RYR3: variants seen among roughly 807,000 people sequenced by gnomAD.
The protein encoded by RYR3 is ryanodine receptor 3, also known as brain ryanodine receptor-calcium release channel.
In RYR3, 207 loss-of-function variants were observed where a neutral mutation model predicts 584.3. That is an observed-to-expected ratio of 0.35 (90% CI 0.32 to 0.40). The LOEUF is 0.40. Ranked by LOEUF, RYR3 falls within the 10% of genes least tolerant of loss-of-function variation. The pLI, the probability that RYR3 is intolerant of heterozygous loss-of-function variation, is 1.00. For missense variants in RYR3, 5,616 were observed against 6,089.2 expected (o/e 0.92, Z 2.59); for synonymous variants, 2,416 against 2,248.5 (o/e 1.07, Z -2.11).
At chr15:33,651,476 A>AAGG (rs1211135700) in intron 31 of RYR3, among the ~76,000 whole-genome samples, 1 of 152,220 alleles carries the variant, frequency 6.6e-6, no homozygotes, top group African/African-American at 2.4e-5. Flanking sequence ...CATTGTCCCA[A>AAGG]AGGAGAGGAC....
At chr15:33,841,676 C>A in intron 90 of RYR3, 188 bp from the exon 91 acceptor site, 1 of 566,882 alleles carries the variant, frequency 1.8e-6, no homozygotes, top group Non-Finnish European at 3.1e-6. Flanking sequence ...AAGATCATGG[C>A]TCATCCTCAT....
intron 68 of RYR3, among the ~76,000 whole-genome samples, chr15:33,801,419 C>A (rs746462042): frequency 1.3e-5 from 2 of 152,104 alleles, no homozygotes; most frequent in Non-Finnish European, 2.9e-5. Flanking sequence ...CAGGAAAAGA[C>A]CAGGAAAGGG....
chr15:33,855,729 G>C (rs965516073), intron 98 of RYR3, among the ~76,000 whole-genome samples: 3 of 152,054 alleles, frequency 2.0e-5, no homozygotes, highest in Non-Finnish European at 2.9e-5. Flanking sequence ...TTTTATGTGT[G>C]TATATACATT....
intron 1 of RYR3, among the ~76,000 whole-genome samples, chr15:33,363,641 A>G (rs1013292337): frequency 2.0e-5 from 3 of 152,206 alleles, no homozygotes; most frequent in African/African-American, 7.2e-5. Context: ...ATTACTGAGT[A>G]CAAGCTTTTT....
chr15:33,503,676 T>G lies in RYR3; in HGVS notation c.217T>G (p.Ser73Ala). The change falls in exon 3 of 104, where the codon TCC becomes GCC. Residue 73 changes from serine to alanine, a missense_variant. Physicochemically the swap from Ser to Ala is moderately conservative, Grantham distance 99. Around this residue, in one of 9 missense-constraint regions of RYR3, gnomAD observed 1,284 missense variants for 1,344.6 expected, o/e 0.95. Coordinates refer to ENST00000634891, the MANE Select transcript of RYR3 (RefSeq NM_001036.6). ...LCVCNFVLEQSLSVRALQEML... is the reference protein window; with the variant it reads ...LCVCNFVLEQALSVRALQEML... ...CGTCTGCAATTTTGTGCTGGAACAG[T>G]CCCTATCTGTCAGAGCCCTGCAGGA... 6.2e-7 allele frequency: 1 copy of G among 1,613,262 alleles called. No individual in the cohort carries two copies. Among genetic ancestry groups the G allele is most frequent in the Non-Finnish European group, 8.5e-7 (1 of 1,179,670 alleles).
At chr15:33,809,036 A>G (rs1004711131) in intron 70 of RYR3, among the ~76,000 whole-genome samples, 1 of 152,224 alleles carries the variant, frequency 6.6e-6, no homozygotes, top group Non-Finnish European at 1.5e-5. Context: ...AAGAAATTAC[A>G]CTGTTCTTAA....
chr15:33,596,645 A>T (rs1439940351), intron 16 of RYR3, among the ~76,000 whole-genome samples: 1 of 152,210 alleles, frequency 6.6e-6, no homozygotes, highest in East Asian at 1.9e-4. Flanking sequence ...CACCATCTCA[A>T]ACATTTATCA....
chr15:33,563,155 A>G, intron 11 of RYR3, 145 bp downstream of exon 11: 1 of 684,692 alleles, frequency 1.5e-6, no homozygotes, highest in Non-Finnish European at 2.3e-6. Flanking sequence ...GATTGTACAC[A>G]GTTTCTCCAA....
chr15:33,587,923 A>G (rs1444811489), intron 16 of RYR3, among the ~76,000 whole-genome samples: 1 of 152,194 alleles, frequency 6.6e-6, no homozygotes. Flanking sequence ...TGCCAAGGTC[A>G]TGTTTTTCTC....
At chr15:33,859,995 A>C (rs1250533795) in intron 100 of RYR3, among the ~76,000 whole-genome samples, 1 of 151,918 alleles carries the variant, frequency 6.6e-6, no homozygotes, top group African/African-American at 2.4e-5. Flanking sequence ...TTTACTCCTC[A>C]CTTCTGCTTC....
rs1260814507 is a variant in RYR3 at position 33,837,678 on chromosome 15, GT to G, written c.11699del (p.Val3900GlufsTer7). The G allele has an allele frequency of 6.2e-7, 1 of 1,605,860 alleles. No homozygotes were observed. Among genetic ancestry groups the G allele is most frequent in the Non-Finnish European group, 8.5e-7 (1 of 1,175,838 alleles). The part of the protein sequence containing the change: ...TIGKQMVDTL[V>X]ESSTNVEMIL... Reference sequence around the variant, plus strand: ...TGGCAAGCAGATGGTTGACACACTGGTAGAATCATCTACCAATGTAGAAATG... The same window carrying G: ...TGGCAAGCAGATGGTTGACACACTGGAGAATCATCTACCAATGTAGAAATG... On this transcript the variant is annotated frameshift_variant, in exon 89 of 104. Coordinates refer to ENST00000634891, the MANE Select transcript of RYR3 (RefSeq NM_001036.6). LOFTEE classifies it high-confidence loss of function.
At chr15:33,431,597 CA>C (rs145820930) in intron 1 of RYR3, among the ~76,000 whole-genome samples, 1 of 149,412 alleles carries the variant, frequency 6.7e-6, no homozygotes, top group Non-Finnish European at 1.5e-5. Context: ...ATTCCCTCTG[CA>C]AAAAAAAATA....
chr15:33,693,062 T>A (rs1004694442), intron 38 of RYR3, among the ~76,000 whole-genome samples: 1 of 152,232 alleles, frequency 6.6e-6, no homozygotes, highest in Non-Finnish European at 1.5e-5. Flanking sequence ...GAGAATTGTT[T>A]TGTTAGTCGT....
chr15:33,313,395 G>T (rs143102277), intron 1 of RYR3, among the ~76,000 whole-genome samples: 1 of 152,174 alleles, frequency 6.6e-6, no homozygotes, highest in Non-Finnish European at 1.5e-5. Flanking sequence ...AACATAAGAG[G>T]AGTACTGCAG....
At chr15:33,616,618 G>A (rs1244928081) in intron 19 of RYR3, among the ~76,000 whole-genome samples, 16 of 152,226 alleles carry the variant, frequency 1.1e-4, no homozygotes, top group South Asian at 2.1e-4. Context: ...GGGTCCAGAT[G>A]TGTTGACTTG....
chr15:33,641,446 T>C (rs1310548934), intron 27 of RYR3, among the ~76,000 whole-genome samples: 1 of 152,190 alleles, frequency 6.6e-6, no homozygotes, highest in Non-Finnish European at 1.5e-5. Context: ...TTCCCCCTTA[T>C]CTGTCTTTCA....
Position 33,838,685 on chromosome 15 carries a change from G to A in RYR3, c.12705G>A (p.Met4235Ile). 6.2e-7 allele frequency: 1 copy of A among 1,613,982 alleles called. No homozygotes were observed. Among genetic ancestry groups the A allele is most frequent in the Non-Finnish European group, 8.5e-7 (1 of 1,179,882 alleles). Residue 4235 changes from methionine to isoleucine, a missense_variant, in exon 89 of 104, where the codon ATG becomes ATA. Met to Ile is a conservative substitution (Grantham distance 10). This residue lies in a region of RYR3 where 918 missense variants were observed against 887.4 expected (regional missense o/e 1.03). Coordinates refer to ENST00000634891, the MANE Select transcript of RYR3 (RefSeq NM_001036.6). ...NIRVTKILGD[M>I]PDPTQFGIHD... is the part of the protein sequence containing the mutation. ...GAGTGACCAAGATCCTGGGTGACAT[G>A]CCTGACCCAACCCAATTTGGTATCC... is the stretch of plus-strand genomic sequence containing the variant.
At chr15:33,569,688 G>T (rs762946425) in intron 12 of RYR3, among the ~76,000 whole-genome samples, 5 of 152,080 alleles carry the variant, frequency 3.3e-5, no homozygotes, top group Non-Finnish European at 7.4e-5. Context: ...CAAAGTGGAT[G>T]TAACATTTTA....
chr15:33,816,347 TGTC>T (rs1254039115), intron 74 of RYR3, among the ~76,000 whole-genome samples: 1 of 152,198 alleles, frequency 6.6e-6, no homozygotes, highest in African/African-American at 2.4e-5. Flanking sequence ...GCTTAAACCT[TGTC>T]GTGCTAAGTA....
Sources: allele counts gnomAD v4.1 joint callset (sites outside exome capture counted in the v4.1 genomes callset), GRCh38; gene constraint gnomAD v4.1.1; regional missense constraint gnomAD v4.1.1; transcripts MANE v1.5; gene names NCBI Gene and HGNC (gene_info 2026-07-23, HGNC 2026-07-21).